Variants in SGCD observed in about 807,000 individuals in gnomAD.
SGCD encodes delta-sarcoglycan.
Under a neutral mutation model 36.6 loss-of-function variants are expected in SGCD, and 18 were observed. The ratio of observed to expected loss-of-function variants is 0.49; its 90% CI spans 0.34 to 0.73. The LOEUF is 0.73. Ranked by LOEUF, SGCD falls within the 30% of genes least tolerant of loss-of-function variation. The pLI is 0.01. For missense variants in SGCD, 387 were observed against 346.7 expected (o/e 1.12, Z -0.92); for synonymous variants, 133 against 130.6 (o/e 1.02, Z -0.12).
At chr5:156,174,501 TCA>T (rs1763419633) in intron 3 of SGCD, among the ~76,000 whole-genome samples, 1 of 152,212 alleles carries the variant, frequency 6.6e-6, no homozygotes, top group Non-Finnish European at 1.5e-5. Flanking sequence ...CTGCGCTGTT[TCA>T]GATTCCTAGA....
chr5:156,513,942 A>T (rs1178565388), intron 4 of SGCD, among the ~76,000 whole-genome samples: 2 of 152,246 alleles, frequency 1.3e-5, no homozygotes, highest in African/African-American at 4.8e-5. Context: ...CAACCATGAC[A>T]TCCAAAGGCA....
At chr5:155,761,953 A>C in the SGCD span, among the ~76,000 whole-genome samples, 42,002 of 152,108 alleles carry the variant, frequency 0.28, 7,389 homozygotes, top group East Asian at 0.43. Flanking sequence ...TGTGCTAAGT[A>C]CATTTCCTAA....
chr5:156,156,351 G>A (rs1762963320), intron 3 of SGCD, among the ~76,000 whole-genome samples: 1 of 151,546 alleles, frequency 6.6e-6, no homozygotes. Flanking sequence ...AGCTGTGGCT[G>A]GGCACGGTGG....
chr5:156,555,091 G>A (rs1017636046), intron 4 of SGCD, among the ~76,000 whole-genome samples: 3 of 151,792 alleles, frequency 2.0e-5, no homozygotes, highest in African/African-American at 7.3e-5. Context: ...TCATTTTATT[G>A]TTCAGTTGTG....
At chr5:156,039,904 T>G (rs1441419572) in intron 1 of SGCD, among the ~76,000 whole-genome samples, 2 of 152,190 alleles carry the variant, frequency 1.3e-5, no homozygotes, top group Non-Finnish European at 1.5e-5. Context: ...GAGATTGATG[T>G]GCAGTCTCTT....
At chr5:156,474,327 A>G (rs1234738927) in intron 3 of SGCD, among the ~76,000 whole-genome samples, 3 of 152,088 alleles carry the variant, frequency 2.0e-5, no homozygotes, top group Non-Finnish European at 4.4e-5. Context: ...TTGTGCAAGC[A>G]CCGTGTGTCA....
At chr5:156,144,391 C>T (rs1054933867) in intron 3 of SGCD, among the ~76,000 whole-genome samples, 17 of 152,160 alleles carry the variant, frequency 1.1e-4, no homozygotes, top group African/African-American at 3.6e-4. Flanking sequence ...ACATCCTCTC[C>T]AGAACCTGTT....
chr5:156,378,155 T>C (rs1458361220), intron 3 of SGCD, among the ~76,000 whole-genome samples: 1 of 152,260 alleles, frequency 6.6e-6, no homozygotes, highest in Non-Finnish European at 1.5e-5. Context: ...TACAATGACA[T>C]GTTATTCAGC....
At chr5:156,072,489 C>A (rs768831569) in intron 1 of SGCD, among the ~76,000 whole-genome samples, 8 of 151,854 alleles carry the variant, frequency 5.3e-5, no homozygotes, top group Non-Finnish European at 1.2e-4. Flanking sequence ...AGAGTTTCTG[C>A]CGAGAGATCC....
intron 7 of SGCD, among the ~76,000 whole-genome samples, chr5:156,700,543 C>G (rs75107684): frequency 6.6e-6 from 1 of 152,218 alleles, no homozygotes; most frequent in African/African-American, 2.4e-5. Flanking sequence ...TCCTTTGCAC[C>G]TATTCAAGGA....
chr5:155,730,195 T>C, the SGCD span, among the ~76,000 whole-genome samples: 1 of 152,132 alleles, frequency 6.6e-6, no homozygotes, highest in Non-Finnish European at 1.5e-5. Flanking sequence ...TGAAAAAGTT[T>C]CACCTGAACT....
chr5:155,767,148 C>G, the SGCD span, among the ~76,000 whole-genome samples: 1 of 152,224 alleles, frequency 6.6e-6, no homozygotes, highest in Non-Finnish European at 1.5e-5. Flanking sequence ...TGTAACTTCG[C>G]AGATGCTTCA....
At chr5:156,198,671 G>T (rs1310082782) in intron 3 of SGCD, among the ~76,000 whole-genome samples, 2 of 152,164 alleles carry the variant, frequency 1.3e-5, no homozygotes, top group Admixed American at 6.6e-5. Flanking sequence ...TTATTAAATT[G>T]AATGCTACAG....
At chr5:155,976,066 C>A (rs2127561055) in intron 1 of SGCD, among the ~76,000 whole-genome samples, 1 of 152,050 alleles carries the variant, frequency 6.6e-6, no homozygotes, top group South Asian at 2.1e-4. Context: ...TTTAAACATA[C>A]AAAACAGTAC....
At chr5:156,372,584 T>A (rs1490763063) in intron 3 of SGCD, among the ~76,000 whole-genome samples, 2 of 152,166 alleles carry the variant, frequency 1.3e-5, no homozygotes, top group Non-Finnish European at 2.9e-5. Context: ...TAGATAACTT[T>A]GTATATATAT....
chr5:156,123,892 A>G (rs1037262653), exon 3 of SGCD: 5 of 152,146 alleles, frequency 3.3e-5, no homozygotes, highest in Admixed American at 3.3e-4. Flanking sequence ...GATTTGAAGA[A>G]GGTTATACTG....
intron 4 of SGCD, among the ~76,000 whole-genome samples, chr5:156,568,482 C>T (rs74869065): frequency 0.037 from 5,684 of 152,288 alleles, 238 homozygotes; most frequent in African/African-American, 0.096. Flanking sequence ...ATGTAACCGA[C>T]GGCCATAAAG....
intron 7 of SGCD, among the ~76,000 whole-genome samples, chr5:156,750,440 C>T (rs1757108527): frequency 6.6e-6 from 1 of 152,006 alleles, no homozygotes; most frequent in African/African-American, 2.4e-5. Flanking sequence ...AATCTCAGCA[C>T]TTTAGGAGGC....
At position 156,007,822 on chromosome 5, in the gene SGCD, C is replaced by G. The variant is rs113798021; in HGVS notation, c.-281-110056C>G. Among the ~76,000 whole-genome samples the G allele has an allele frequency of 2.3e-3, 357 of 152,258 alleles. 1 individual carries two copies. The highest frequency in any genetic ancestry group is 8.0e-3 in the African/African-American group (333 of 41,538). ...ATCCAGATGTTGGGAATAAGGCAAACGGGCTGGAAGAGGGAGAGAATACAT... is the reference window on the plus strand; with the variant it reads ...ATCCAGATGTTGGGAATAAGGCAAAGGGGCTGGAAGAGGGAGAGAATACAT... On this transcript the variant is annotated intron_variant, in intron 1 of 9. Transcript: ENST00000517913.
Sources: gnomAD v4.1 joint callset for allele counts (sites outside exome capture counted in the v4.1 genomes callset) on GRCh38, gnomAD v4.1.1 for gene constraint, MANE v1.5 for transcripts, NCBI Gene and HGNC (gene_info 2026-07-23, HGNC 2026-07-21) for gene names.